MRPS28: variants seen among roughly 807,000 people sequenced by gnomAD.
MRPS28 encodes the protein small ribosomal subunit protein bS1m.
Under a neutral mutation model 10.8 loss-of-function variants are expected in MRPS28, and 7 were observed. The observed-to-expected ratio is 0.65, with a 90% CI of 0.37 to 1.22. The LOEUF (loss-of-function observed/expected upper bound fraction) is 1.22, where lower values mean the gene tolerates loss of function less well. MRPS28 is among the 50% of genes most tolerant of loss of function. MRPS28 has a pLI of 0.02. For synonymous variants in MRPS28, 121 were observed against 93.3 expected (o/e 1.30, Z -1.71); for missense variants, 265 against 232.9 (o/e 1.14, Z -0.90).
intron 2 of MRPS28, among the ~76,000 whole-genome samples, chr8:79,933,143 A>G (rs961350070): frequency 2.0e-5 from 3 of 152,254 alleles, no homozygotes; most frequent in Non-Finnish European, 4.4e-5. Context: ...TTGGGCTGCT[A>G]TAACAAAATA....
chr8:80,006,963 A>G (rs575615506), intron 1 of MRPS28, among the ~76,000 whole-genome samples: 1 of 152,324 alleles, frequency 6.6e-6, no homozygotes, highest in African/African-American at 2.4e-5. Flanking sequence ...GCAGAGACAC[A>G]ACCAAAAAAG....
At chr8:79,957,563 A>C (rs1807257325) in intron 2 of MRPS28, among the ~76,000 whole-genome samples, 2 of 151,896 alleles carry the variant, frequency 1.3e-5, no homozygotes, top group Admixed American at 1.3e-4. Context: ...AAAAAAAAAA[A>C]AAAACTTAGT....
chr8:80,018,849 A>G (rs1191079406), intron 1 of MRPS28, among the ~76,000 whole-genome samples: 1 of 152,228 alleles, frequency 6.6e-6, no homozygotes, highest in African/African-American at 2.4e-5. Flanking sequence ...TTGCAACAAC[A>G]TGGATAGAAC....
chr8:80,002,890 T>C, intron 2 of MRPS28, 109 bp downstream of exon 2: 1 of 956,022 alleles, frequency 1.0e-6, no homozygotes, highest in South Asian at 2.1e-5. Context: ...TCAAGACAAA[T>C]AAATATGTTT....
At chr8:80,025,218 G>A (rs1285106183) in intron 1 of MRPS28, among the ~76,000 whole-genome samples, 2 of 152,178 alleles carry the variant, frequency 1.3e-5, no homozygotes, top group East Asian at 3.8e-4. Flanking sequence ...ATGCAGTTAT[G>A]ATAAAAATCA....
intron 2 of MRPS28, among the ~76,000 whole-genome samples, chr8:79,934,532 T>A (rs1229474440): frequency 2.0e-5 from 3 of 152,214 alleles, no homozygotes; most frequent in African/African-American, 4.8e-5. Context: ...ACAGTTAACA[T>A]CTAGGCTAAC....
At chr8:79,966,432 C>T (rs1159609749) in intron 2 of MRPS28, among the ~76,000 whole-genome samples, 3 of 152,028 alleles carry the variant, frequency 2.0e-5, no homozygotes, top group Non-Finnish European at 4.4e-5. Context: ...GGTACATTTA[C>T]ACAAGTTGAC....
intron 2 of MRPS28, 44 bp downstream of exon 2, chr8:80,002,955 C>T (rs1808702902): frequency 1.4e-6 from 2 of 1,435,040 alleles, no homozygotes; most frequent in African/African-American, 1.4e-5. Context: ...GCTATCCCAA[C>T]TTTTATGAAT....
chr8:80,017,213 A>G lies in MRPS28; in HGVS notation c.213+12823T>C, dbSNP rs1035876861. ...CGTCTAAATAACATGAGTCAAACAA[A>G]TCTCAAGAGAAATTTAAAAATACTT... is the stretch of plus-strand genomic sequence containing the variant. On this transcript the variant is annotated intron_variant, in intron 1 of 2. Transcript: ENST00000276585. 2.6e-5 allele frequency among the ~76,000 whole-genome samples: 4 copies of G among 152,346 alleles called. No individual in the cohort carries two copies. In the East Asian group the frequency reaches 5.8e-4, roughly 22 times the overall value.
chr8:79,983,155 G>C (rs1808024801), intron 2 of MRPS28, among the ~76,000 whole-genome samples: 1 of 152,114 alleles, frequency 6.6e-6, no homozygotes, highest in South Asian at 2.1e-4. Context: ...CTGGTACCCA[G>C]GCAAACAGGG....
At chr8:80,019,855 A>G (rs1809306705) in intron 1 of MRPS28, among the ~76,000 whole-genome samples, 2 of 152,224 alleles carry the variant, frequency 1.3e-5, no homozygotes, top group African/African-American at 4.8e-5. Flanking sequence ...GTGTAAACCA[A>G]GAGTATGAGA....
intron 2 of MRPS28, among the ~76,000 whole-genome samples, chr8:79,966,265 G>T (rs1216944422): frequency 6.6e-6 from 1 of 151,732 alleles, no homozygotes; most frequent in Non-Finnish European, 1.5e-5. Flanking sequence ...ATATATAAAG[G>T]GTCAATATAT....
At chr8:79,926,299 TA>T (rs1810233662) in intron 2 of MRPS28, among the ~76,000 whole-genome samples, 1 of 152,114 alleles carries the variant, frequency 6.6e-6, no homozygotes, top group African/African-American at 2.4e-5. Context: ...GAAAAGAAAA[TA>T]TATACATTTA....
chr8:79,949,693 T>A (rs1026296359), intron 2 of MRPS28, among the ~76,000 whole-genome samples: 4 of 152,206 alleles, frequency 2.6e-5, no homozygotes, highest in Admixed American at 2.6e-4. Flanking sequence ...TTTCCTCATA[T>A]GACAGAAAAA....
At chr8:79,947,061 T>A (rs193099844) in intron 2 of MRPS28, among the ~76,000 whole-genome samples, 7 of 152,194 alleles carry the variant, frequency 4.6e-5, no homozygotes, top group Admixed American at 4.6e-4. Context: ...ATAGTCAAAG[T>A]AATAACAAAC....
At chr8:80,003,646 G>A (rs1004022102) in intron 1 of MRPS28, among the ~76,000 whole-genome samples, 7 of 152,192 alleles carry the variant, frequency 4.6e-5, no homozygotes. Context: ...TCGGACAGCG[G>A]GTGCAGGGCA....
chr8:79,953,624 T>G (rs1173699946), intron 2 of MRPS28, among the ~76,000 whole-genome samples: 2 of 152,166 alleles, frequency 1.3e-5, no homozygotes, highest in African/African-American at 4.8e-5. Context: ...AAAATATATA[T>G]TAAGACCATA....
chr8:80,006,470 A>G (rs1451426107), intron 1 of MRPS28, among the ~76,000 whole-genome samples: 2 of 152,196 alleles, frequency 1.3e-5, no homozygotes. Flanking sequence ...CAAATAATCA[A>G]TGAATCCAGG....
At position 79,918,893 on chromosome 8, in the gene MRPS28, T is replaced by C; in HGVS notation, c.*87A>G. The C allele has an allele frequency of 1.8e-6, 2 of 1,102,552 alleles. No homozygotes were observed. The highest frequency in any genetic ancestry group is 2.5e-6 in the Non-Finnish European group (2 of 811,256). 68.3% of individuals were successfully genotyped at this position (1,102,552 alleles called of 1,614,324 possible). On this transcript the variant is annotated 3_prime_UTR_variant, in exon 3 of 3. Coordinates refer to ENST00000276585, the MANE Select transcript of MRPS28 (RefSeq NM_014018.3). ...TAGCTTTTATTTATTATATCTTCAT[T>C]CAATCATTTATTCACAATTAGTCTA...
Sources: allele counts gnomAD v4.1 joint callset (sites outside exome capture counted in the v4.1 genomes callset), GRCh38; gene constraint gnomAD v4.1.1; transcripts MANE v1.5; gene names NCBI Gene and HGNC (gene_info 2026-07-23, HGNC 2026-07-21).